The following GRIK2 variants were observed in gnomAD, a reference collection of about 807,000 sequenced individuals.
The protein encoded by GRIK2 is glutamate ionotropic receptor kainate type subunit 2.
A neutral mutation model predicts 100.3 loss-of-function variants in GRIK2; 32 were observed. The ratio of observed to expected loss-of-function variants is 0.32; its 90% CI spans 0.24 to 0.43. GRIK2 has a LOEUF of 0.43. Ranked by LOEUF, GRIK2 falls within the 20% of genes least tolerant of loss-of-function variation. GRIK2 has a pLI of 1.00. For synonymous variants in GRIK2, 417 were observed against 389.4 expected, an observed-to-expected ratio of 1.07 and a Z score of -0.83; for missense variants, 843 against 1,114.9, an observed-to-expected ratio of 0.76 and a Z score of 3.47.
chr6:101,973,145 A>G (rs1463024002), intron 14 of GRIK2, among the ~76,000 whole-genome samples: 2 of 151,926 alleles, frequency 1.3e-5, no homozygotes, highest in Non-Finnish European at 2.9e-5. Context: ...TCTCTCAGAC[A>G]TAATAGGGCA....
At chr6:101,502,953 A>G (rs1202267559) in intron 2 of GRIK2, among the ~76,000 whole-genome samples, 3 of 152,108 alleles carry the variant, frequency 2.0e-5, no homozygotes, top group Non-Finnish European at 4.4e-5. Context: ...CCCAGCTCCT[A>G]TTCTCATTCT....
chr6:101,951,577 A>C (rs1021743001), intron 14 of GRIK2, among the ~76,000 whole-genome samples: 6 of 152,186 alleles, frequency 3.9e-5, no homozygotes, highest in African/African-American at 1.4e-4. Context: ...TTCCCATCCA[A>C]ATCTCATCTT....
chr6:101,749,812 T>C (rs1043027394), intron 7 of GRIK2, among the ~76,000 whole-genome samples: 2 of 143,444 alleles, frequency 1.4e-5, no homozygotes, highest in Admixed American at 6.9e-5. Flanking sequence ...TCTTTTTTTT[T>C]TTTTTTTTTT....
chr6:101,736,782 T>C (rs1285728814), intron 7 of GRIK2, among the ~76,000 whole-genome samples: 1 of 152,172 alleles, frequency 6.6e-6, no homozygotes, highest in Non-Finnish European at 1.5e-5. Context: ...CCTTGTTACT[T>C]ATTCAAATTT....
At chr6:101,976,183 T>C (rs901864831) in intron 14 of GRIK2, among the ~76,000 whole-genome samples, 12 of 152,034 alleles carry the variant, frequency 7.9e-5, no homozygotes, top group Non-Finnish European at 1.5e-4. Context: ...ACTCACTGGG[T>C]AACAGTAAAC....
intron 7 of GRIK2, among the ~76,000 whole-genome samples, chr6:101,789,172 T>C (rs1363903340): frequency 4.6e-5 from 7 of 152,192 alleles, no homozygotes; most frequent in Non-Finnish European, 1.5e-5. Flanking sequence ...TTCACTCTGA[T>C]AGTAGTTTCT....
intron 4 of GRIK2, among the ~76,000 whole-genome samples, chr6:101,664,457 T>C (rs1413025659): frequency 6.6e-6 from 1 of 152,222 alleles, no homozygotes; most frequent in Non-Finnish European, 1.5e-5. Flanking sequence ...AGAATTAAAA[T>C]GCAACATTAA....
intron 10 of GRIK2, among the ~76,000 whole-genome samples, chr6:101,823,862 G>GT (rs11454516): frequency 0.033 from 4,295 of 130,208 alleles, 122 homozygotes; most frequent in African/African-American, 0.083. Context: ...AGTAAGTTCT[G>GT]TTTTTTTTTT....
At chr6:101,888,288 A>G (rs1786797948) in intron 11 of GRIK2, among the ~76,000 whole-genome samples, 1 of 152,148 alleles carries the variant, frequency 6.6e-6, no homozygotes, top group Non-Finnish European at 1.5e-5. Context: ...AAAATGAACA[A>G]GTTTTCTAAC....
rs143565431 is a variant in GRIK2 at position 101,536,661 on chromosome 6, AT to A, written c.116-85287del. On this transcript the variant is annotated intron_variant, in intron 2 of 16. Coordinates refer to ENST00000369134, the MANE Select transcript of GRIK2 (RefSeq NM_021956.5). The stretch of plus-strand genomic sequence containing the variant: ...AATATAAAAGTAGTATTTGAAAAAA[AT>A]GTGATTTTACTTCTGGTTGCAAAAT... 6.9e-3 allele frequency among the ~76,000 whole-genome samples: 1,046 copies of A among 151,840 alleles called. 15 individuals are homozygous for A. Among genetic ancestry groups the A allele is most frequent in the African/African-American group, 0.024 (998 of 41,492 alleles).
chr6:101,694,291 A>T (rs1308800541), intron 7 of GRIK2, among the ~76,000 whole-genome samples: 4 of 152,154 alleles, frequency 2.6e-5, no homozygotes, highest in Non-Finnish European at 5.9e-5. Flanking sequence ...TAGAGAATGG[A>T]TTATTTCACT....
At chr6:101,512,921 G>A (rs910113891) in intron 2 of GRIK2, among the ~76,000 whole-genome samples, 2 of 151,902 alleles carry the variant, frequency 1.3e-5, no homozygotes, top group East Asian at 1.9e-4. Flanking sequence ...TTTCATGTGT[G>A]TAGTACTACT....
At chr6:101,821,693 A>G (rs1482983741) in intron 10 of GRIK2, among the ~76,000 whole-genome samples, 2 of 152,154 alleles carry the variant, frequency 1.3e-5, no homozygotes, top group South Asian at 2.1e-4. Context: ...TGACTTCAAC[A>G]TATCCATAGT....
chr6:101,984,622 C>CACACACACAT (rs1334121446), intron 14 of GRIK2, among the ~76,000 whole-genome samples: 1 of 145,466 alleles, frequency 6.9e-6, no homozygotes, highest in Non-Finnish European at 1.5e-5. Flanking sequence ...AAAACACACA[C>CACACACACAT]ACACACACAC....
intron 2 of GRIK2, among the ~76,000 whole-genome samples, chr6:101,472,462 A>G (rs1582525335): frequency 6.6e-6 from 1 of 151,858 alleles, no homozygotes; most frequent in African/African-American, 2.4e-5. Flanking sequence ...CATACTGAAT[A>G]TATGCATTTA....
chr6:101,839,172 G>C (rs1783343927), intron 10 of GRIK2, among the ~76,000 whole-genome samples: 1 of 152,094 alleles, frequency 6.6e-6, no homozygotes, highest in African/African-American at 2.4e-5. Flanking sequence ...AGGCTACTCT[G>C]ACTTTCACTG....
At chr6:101,442,833 G>A (rs905635531) in intron 2 of GRIK2, among the ~76,000 whole-genome samples, 5 of 152,116 alleles carry the variant, frequency 3.3e-5, no homozygotes, top group African/African-American at 1.2e-4. Flanking sequence ...TCTGAGGGTG[G>A]CGGTTTTTGC....
chr6:101,913,737 G>A (rs2791778), intron 12 of GRIK2, among the ~76,000 whole-genome samples: 128,556 of 151,210 alleles, frequency 0.85, 54,775 homozygotes, highest in East Asian at 0.94. Context: ...TTCCTGGGAG[G>A]AAGAACATTA....
intron 11 of GRIK2, among the ~76,000 whole-genome samples, chr6:101,859,723 T>C (rs1401113669): frequency 6.6e-6 from 1 of 152,162 alleles, no homozygotes; most frequent in South Asian, 2.1e-4. Flanking sequence ...AACTGAGAGA[T>C]GGAACATTAT....
Sources: allele counts gnomAD v4.1 joint callset (sites outside exome capture counted in the v4.1 genomes callset), GRCh38; gene constraint gnomAD v4.1.1; transcripts MANE v1.5; gene names NCBI Gene and HGNC (gene_info 2026-07-23, HGNC 2026-07-21).